The following PTPRT variants were observed in gnomAD, a reference collection of about 807,000 sequenced individuals.
The protein encoded by PTPRT is receptor-type tyrosine-protein phosphatase T.
PTPRT carries 56 observed loss-of-function variants against 176.8 expected under a neutral mutation model. The observed-to-expected ratio is 0.32, with a 90% CI of 0.26 to 0.40. PTPRT has a LOEUF of 0.40. Ranked by LOEUF, PTPRT falls within the 10% of genes least tolerant of loss-of-function variation. The probability of loss-of-function intolerance (pLI) is 1.00; values close to 1 mark genes in which losing one functional copy is unlikely to be tolerated. For synonymous variants in PTPRT, 783 were observed against 739.0 expected (o/e 1.06, Z -0.96); for missense variants, 1,540 against 1,908.2 (o/e 0.81, Z 3.60).
intron 7 of PTPRT, among the ~76,000 whole-genome samples, chr20:42,492,107 GT>G (rs1249831986): frequency 6.6e-6 from 1 of 152,140 alleles, no homozygotes; most frequent in Non-Finnish European, 1.5e-5. Context: ...CATTTAGGTA[GT>G]TTCCAGTTTG....
At chr20:42,412,655 T>A (rs955033160) in intron 9 of PTPRT, among the ~76,000 whole-genome samples, 2 of 152,208 alleles carry the variant, frequency 1.3e-5, no homozygotes, top group African/African-American at 4.8e-5. Flanking sequence ...CAACACAGAT[T>A]TCTATCCATG....
chr20:42,304,920 G>T (rs969791425), intron 12 of PTPRT, among the ~76,000 whole-genome samples: 2 of 152,164 alleles, frequency 1.3e-5, no homozygotes, highest in African/African-American at 4.8e-5. Flanking sequence ...ATGCAAACCT[G>T]CCACCTGCTC....
intron 7 of PTPRT, among the ~76,000 whole-genome samples, chr20:42,588,349 C>T (rs1415101836): frequency 6.6e-6 from 1 of 152,094 alleles, no homozygotes; most frequent in African/African-American, 2.4e-5. Flanking sequence ...GAGGCTGAGG[C>T]AGGAGAATCA....
intron 6 of PTPRT, among the ~76,000 whole-genome samples, chr20:42,693,412 A>G (rs146584230): frequency 2.0e-5 from 3 of 152,352 alleles, no homozygotes; most frequent in African/African-American, 7.2e-5. Context: ...CAATATTTAA[A>G]AAGGAAAAGA....
intron 7 of PTPRT, among the ~76,000 whole-genome samples, chr20:42,675,907 A>G (rs1044004541): frequency 6.6e-6 from 1 of 152,216 alleles, no homozygotes; most frequent in South Asian, 2.1e-4. Flanking sequence ...TTTCCTCCAG[A>G]GTCATCTGCC....
intron 1 of PTPRT, chr20:42,970,772 C>T (rs1407892549): frequency 1.3e-5 from 2 of 152,162 alleles, no homozygotes; most frequent in African/African-American, 4.8e-5. Flanking sequence ...TATTGTTATT[C>T]TCAGAAAGCT....
chr20:42,707,862 C>A (rs2076084629), intron 6 of PTPRT, among the ~76,000 whole-genome samples: 1 of 152,186 alleles, frequency 6.6e-6, no homozygotes, highest in Admixed American at 6.5e-5. Flanking sequence ...TCAGCTAACA[C>A]CTTGACTCCA....
intron 11 of PTPRT, among the ~76,000 whole-genome samples, chr20:42,324,390 C>A (rs1049210014): frequency 6.6e-6 from 1 of 152,130 alleles, no homozygotes; most frequent in African/African-American, 2.4e-5. Flanking sequence ...ATCAATTGTA[C>A]ATGGGCATAG....
intron 7 of PTPRT, among the ~76,000 whole-genome samples, chr20:42,554,689 T>C (rs1441747068): frequency 6.6e-6 from 1 of 152,184 alleles, no homozygotes; most frequent in Non-Finnish European, 1.5e-5. Context: ...GAGGCAATGA[T>C]GGAAATCATT....
intron 13 of PTPRT, among the ~76,000 whole-genome samples, chr20:42,258,612 T>A (rs1170670870): frequency 6.6e-6 from 1 of 152,228 alleles, no homozygotes; most frequent in East Asian, 1.9e-4. Flanking sequence ...CTAATTTTTT[T>A]AAATTGCTGA....
chr20:42,751,405 C>T (rs2076768219), intron 6 of PTPRT, among the ~76,000 whole-genome samples: 2 of 152,172 alleles, frequency 1.3e-5, no homozygotes, highest in South Asian at 4.1e-4. Flanking sequence ...TAGGGGTGAA[C>T]ACAGGAAAGG....
intron 1 of PTPRT, among the ~76,000 whole-genome samples, chr20:43,150,431 G>A (rs892772506): frequency 2.0e-5 from 3 of 152,066 alleles, no homozygotes; most frequent in South Asian, 2.1e-4. Context: ...TAATCACAAC[G>A]GTTGTCACGA....
At chr20:42,305,693 C>T (rs77643290) in intron 12 of PTPRT, among the ~76,000 whole-genome samples, 165 of 152,208 alleles carry the variant, frequency 1.1e-3, no homozygotes, top group East Asian at 5.2e-3. Flanking sequence ...AGTTATCACG[C>T]CTACCATTTA....
intron 9 of PTPRT, among the ~76,000 whole-genome samples, chr20:42,445,123 G>A (rs1055835975): frequency 2.0e-5 from 3 of 152,154 alleles, no homozygotes. Context: ...GCTGGTCTAT[G>A]GACCACGCTA....
In PTPRT at chr20:42,326,434, T is replaced by C. The variant is rs572303457; in HGVS notation, c.1866-10438A>G. 8.5e-5 allele frequency among the ~76,000 whole-genome samples: 13 copies of C among 152,258 alleles called. No individual in the cohort carries two copies. The South Asian group carries it at 1.2e-3, about 15-fold the overall frequency. ...AGATAACATGACTAGACCTAATATA[T>C]TGAAGCAAATCAACTGAAAGACTGT... is the stretch of plus-strand genomic sequence containing the variant. On this transcript the variant is annotated intron_variant, in intron 11 of 30. Coordinates refer to ENST00000373187, the MANE Select transcript of PTPRT (RefSeq NM_007050.6).
the PTPRT span, among the ~76,000 whole-genome samples, chr20:42,065,417 C>A: frequency 1.8e-4 from 28 of 152,320 alleles, no homozygotes; most frequent in South Asian, 5.6e-3. Context: ...CTGCTGATAT[C>A]ATGCATTTTG....
intron 7 of PTPRT, among the ~76,000 whole-genome samples, chr20:42,592,056 T>G (rs2073587293): frequency 3.4e-5 from 5 of 144,972 alleles, no homozygotes. Flanking sequence ...CTCAGCTCAC[T>G]GCAAGCTCTG....
intron 7 of PTPRT, among the ~76,000 whole-genome samples, chr20:42,552,926 T>C (rs1457626116): frequency 6.6e-6 from 1 of 152,040 alleles, no homozygotes; most frequent in East Asian, 1.9e-4. Flanking sequence ...AAATGAAAAA[T>C]AGTCTCAGGT....
chr20:42,197,376 CAA>C (rs3086756), intron 16 of PTPRT, among the ~76,000 whole-genome samples: 39 of 33,308 alleles, frequency 1.2e-3, no homozygotes, highest in African/African-American at 5.1e-3. Context: ...GAGACTCCAT[CAA>C]AAAAAAAAAA....
Sources: gnomAD v4.1 joint callset for allele counts (sites outside exome capture counted in the v4.1 genomes callset) on GRCh38, gnomAD v4.1.1 for gene constraint, MANE v1.5 for transcripts, NCBI Gene and HGNC (gene_info 2026-07-23, HGNC 2026-07-21) for gene names.